ANKRD30B: variants seen among roughly 807,000 people sequenced by gnomAD.
The protein encoded by ANKRD30B is ankyrin repeat domain 30B.
Under a neutral mutation model 202.2 loss-of-function variants are expected in ANKRD30B, and 144 were observed. The observed-to-expected ratio is 0.71, with a 90% CI of 0.62 to 0.82. The LOEUF is 0.82. ANKRD30B is among the 40% of genes least tolerant of loss of function. ANKRD30B has a pLI of 0.00. For missense variants in ANKRD30B, 1,487 were observed against 1,669.1 expected (o/e 0.89, Z 1.90); for synonymous variants, 508 against 561.3 (o/e 0.91, Z 1.34).
intron 10 of ANKRD30B, among the ~76,000 whole-genome samples, chr18:14,778,772 G>GT (rs1432680428): frequency 1.3e-5 from 2 of 152,148 alleles, no homozygotes; most frequent in East Asian, 3.9e-4. Context: ...GCTGATGCTG[G>GT]TGGTCCTTGG....
chr18:14,936,952 C>T, the ANKRD30B span, among the ~76,000 whole-genome samples: 1 of 152,162 alleles, frequency 6.6e-6, no homozygotes, highest in Non-Finnish European at 1.5e-5. Flanking sequence ...CTTTCTACCT[C>T]CAGTCCTGGG....
chr18:14,791,272 A>G, intron 15 of ANKRD30B, 129 bp from the exon 16 acceptor site: 1 of 700,960 alleles, frequency 1.4e-6, no homozygotes, highest in South Asian at 1.8e-5. Context: ...ATACGTGTGT[A>G]CTCTTAAGTC....
At chr18:14,864,004 A>C in the ANKRD30B span, among the ~76,000 whole-genome samples, 1 of 152,136 alleles carries the variant, frequency 6.6e-6, no homozygotes, top group Non-Finnish European at 1.5e-5. Context: ...TAAAACAAAA[A>C]TCATATGATT....
intron 30 of ANKRD30B, among the ~76,000 whole-genome samples, chr18:14,819,760 C>T (rs1970313451): frequency 1.3e-5 from 2 of 152,118 alleles, no homozygotes. Flanking sequence ...GTTTTGGTTA[C>T]TGTAGCCTTG....
chr18:14,759,301 C>T (rs1310421400), intron 5 of ANKRD30B: 1 of 152,158 alleles, frequency 6.6e-6, no homozygotes, highest in African/African-American at 2.4e-5. Flanking sequence ...TTCTTGCAGT[C>T]CCCAAAAGGA....
At chr18:14,892,410 CCTGT>C in the ANKRD30B span, among the ~76,000 whole-genome samples, 1 of 152,156 alleles carries the variant, frequency 6.6e-6, no homozygotes, top group Non-Finnish European at 1.5e-5. Flanking sequence ...CTATCCCCTG[CCTGT>C]CTATTGCCCA....
the ANKRD30B span, among the ~76,000 whole-genome samples, chr18:14,880,343 A>G: frequency 6.6e-6 from 1 of 152,172 alleles, no homozygotes; most frequent in African/African-American, 2.4e-5. Flanking sequence ...CTTTTTGCTT[A>G]GCCTTGGTCT....
At chr18:14,937,612 CA>C in the ANKRD30B span, among the ~76,000 whole-genome samples, 1 of 151,602 alleles carries the variant, frequency 6.6e-6, no homozygotes, top group African/African-American at 2.4e-5. Flanking sequence ...GGGGTGTTGC[CA>C]GGTTCCTCGA....
At chr18:14,829,564 G>A (rs1970814218) in intron 33 of ANKRD30B, among the ~76,000 whole-genome samples, 1 of 152,150 alleles carries the variant, frequency 6.6e-6, no homozygotes, top group Non-Finnish European at 1.5e-5. Flanking sequence ...TTTTACCAAA[G>A]AGATCAGAAT....
At chr18:14,899,587 A>G in the ANKRD30B span, among the ~76,000 whole-genome samples, 2 of 152,152 alleles carry the variant, frequency 1.3e-5, no homozygotes, top group South Asian at 4.1e-4. Context: ...CCCCTCCAAA[A>G]CATGCGACCA....
chr18:14,750,957 T>C (rs961408784), intron 1 of ANKRD30B, among the ~76,000 whole-genome samples: 1 of 152,064 alleles, frequency 6.6e-6, no homozygotes, highest in African/African-American at 2.4e-5. Context: ...GCATGTACGA[T>C]GCTATTAGTA....
Position 14,810,447 on chromosome 18 carries a change from C to T in ANKRD30B, c.2488+267C>T, listed in dbSNP as rs1204815459. On this transcript the variant is annotated intron_variant, in intron 28 of 43. Transcript: ENST00000690538. ...AAGTTTCCAATTTGCAATTTCTGTA[C>T]GTGCTCAGTTTTACGGCAGGTGAAT... is the stretch of plus-strand genomic sequence containing the variant. Among the ~76,000 whole-genome samples, 5 of 151,274 alleles carry T rather than the reference C, an allele frequency of 3.3e-5. 1 individual carries two copies. In the South Asian group the frequency reaches 6.3e-4, roughly 19 times the overall value.
chr18:14,789,494 G>A (rs574938744), intron 15 of ANKRD30B, among the ~76,000 whole-genome samples: 114 of 152,190 alleles, frequency 7.5e-4, no homozygotes, highest in African/African-American at 2.6e-3. Flanking sequence ...GTAATGCCTA[G>A]GTTTTCTTCT....
intron 11 of ANKRD30B, among the ~76,000 whole-genome samples, chr18:14,781,480 G>A (rs909597478): frequency 3.7e-5 from 2 of 54,468 alleles, no homozygotes; most frequent in Non-Finnish European, 8.6e-5. Context: ...CATTTTTTTA[G>A]TAGAGACGGG....
chr18:14,753,615 T>C (rs1598559998), intron 3 of ANKRD30B, among the ~76,000 whole-genome samples: 1 of 152,300 alleles, frequency 6.6e-6, no homozygotes, highest in East Asian at 1.9e-4. Flanking sequence ...GTTTATAATA[T>C]ATAGTTTATA....
chr18:14,874,447 G>A, the ANKRD30B span, among the ~76,000 whole-genome samples: 1 of 152,266 alleles, frequency 6.6e-6, no homozygotes, highest in African/African-American at 2.4e-5. Context: ...TAATTCTAAG[G>A]AACAAATTGT....
At position 14,757,718 on chromosome 18, in the gene ANKRD30B, C is replaced by T. The variant is rs1021672079; in HGVS notation, c.618-97C>T. Reference sequence around the variant, plus strand: ...GATAAACACTTGAGCACTCAAGATACTTATGTTTGTTAGTACATGTAAATG... The same window carrying T: ...GATAAACACTTGAGCACTCAAGATATTTATGTTTGTTAGTACATGTAAATG... On this transcript the variant is annotated intron_variant, in intron 4 of 43. Coordinates refer to ENST00000690538, the MANE Select transcript of ANKRD30B (RefSeq NM_001367607.2). 285 of 1,324,506 alleles carry T rather than the reference C, an allele frequency of 2.2e-4. 1 individual carries two copies. Among genetic ancestry groups the T allele is most frequent in the Non-Finnish European group, 3.2e-5 (31 of 979,914 alleles). The allele number at this position is 1,324,506 out of a possible 1,614,324, so 82.0% of individuals were successfully genotyped here.
chr18:14,752,778 G>A, intron 2 of ANKRD30B, 61 bp from the exon 3 acceptor site: 1 of 1,550,310 alleles, frequency 6.5e-7, no homozygotes, highest in Non-Finnish European at 8.8e-7. Context: ...TGTGAAACCT[G>A]TGGAATACTT....
intron 32 of ANKRD30B, among the ~76,000 whole-genome samples, chr18:14,826,677 C>CCT (rs1161926032): frequency 0.016 from 2,118 of 132,972 alleles, 62 homozygotes; most frequent in African/African-American, 0.054. Flanking sequence ...TCTCTCTCCC[C>CCT]CTCTCTCTCT....
Sources: allele counts gnomAD v4.1 joint callset (sites outside exome capture counted in the v4.1 genomes callset), GRCh38; gene constraint gnomAD v4.1.1; transcripts MANE v1.5; gene names NCBI Gene and HGNC (gene_info 2026-07-23, HGNC 2026-07-21).